The following RAB5A variants were observed in gnomAD, a reference collection of about 807,000 sequenced individuals.
RAB5A encodes the protein ras-related protein Rab-5A.
In RAB5A, 8 loss-of-function variants were observed where a neutral mutation model predicts 25.7. The ratio of observed to expected loss-of-function variants is 0.31; its 90% CI spans 0.18 to 0.56. The LOEUF (loss-of-function observed/expected upper bound fraction) is 0.56, where lower values mean the gene tolerates loss of function less well. RAB5A is among the 20% of genes least tolerant of loss of function. RAB5A has a pLI of 0.91. For missense variants in RAB5A, 192 were observed against 259.7 expected (o/e 0.74, Z 1.79); for synonymous variants, 98 against 89.8 (o/e 1.09, Z -0.52).
chr3:19,973,055 A>G (rs143841986), intron 2 of RAB5A, among the ~76,000 whole-genome samples: 3 of 152,356 alleles, frequency 2.0e-5, no homozygotes, highest in African/African-American at 7.2e-5. Flanking sequence ...AGGTGCAGGC[A>G]TTGTATTAGA....
intron 5 of RAB5A, among the ~76,000 whole-genome samples, chr3:19,982,399 T>A (rs1333143442): frequency 6.6e-6 from 1 of 152,200 alleles, no homozygotes; most frequent in Non-Finnish European, 1.5e-5. Flanking sequence ...GTATGCTAAG[T>A]TTTGACACAT....
chr3:19,976,423 C>CAG (rs1290089938), intron 4 of RAB5A, among the ~76,000 whole-genome samples: 1 of 152,180 alleles, frequency 6.6e-6, no homozygotes, highest in African/African-American at 2.4e-5. Context: ...CAGTGGCTCA[C>CAG]GCCTGTAATC....
intron 2 of RAB5A, among the ~76,000 whole-genome samples, chr3:19,959,745 G>C (rs1231850350): frequency 2.0e-5 from 3 of 150,798 alleles, no homozygotes; most frequent in Non-Finnish European, 4.4e-5. Context: ...TCTCACCTCA[G>C]CCTCCCAAGT....
chr3:19,976,577 T>G (rs1696827888), intron 4 of RAB5A, among the ~76,000 whole-genome samples: 1 of 152,038 alleles, frequency 6.6e-6, no homozygotes, highest in South Asian at 2.1e-4. Flanking sequence ...CCCAGCTACT[T>G]GGGAGGCTGA....
chr3:19,966,441 T>C (rs1696663585), intron 2 of RAB5A, among the ~76,000 whole-genome samples: 1 of 152,238 alleles, frequency 6.6e-6, no homozygotes, highest in Non-Finnish European at 1.5e-5. Context: ...TTGTCCATCA[T>C]TGGACACTTA....
Position 19,983,654 on chromosome 3 carries a change from C to G in RAB5A, c.533-54C>G, listed in dbSNP as rs1039354726. On this transcript the variant is annotated intron_variant, in intron 5 of 5. Coordinates refer to ENST00000273047, the MANE Select transcript of RAB5A (RefSeq NM_004162.5). ...AAAAATTATAGATAAGCAGGTGAAA[C>G]TGATATTAATATGAGTATTCAAATA... 23 of 1,184,504 alleles carry G rather than the reference C, an allele frequency of 1.9e-5. No individual in the cohort carries two copies. In the Admixed American group the frequency reaches 4.1e-4, roughly 21 times the overall value. 73.4% of individuals were successfully genotyped at this position (1,184,504 alleles called of 1,614,324 possible).
At chr3:19,965,884 C>A (rs1696654584) in intron 2 of RAB5A, among the ~76,000 whole-genome samples, 1 of 152,000 alleles carries the variant, frequency 6.6e-6, no homozygotes, top group Non-Finnish European at 1.5e-5. Flanking sequence ...AGGTGCACGC[C>A]ACCACACCTG....
chr3:19,951,713 T>C (rs925136204), intron 2 of RAB5A, among the ~76,000 whole-genome samples: 2 of 146,666 alleles, frequency 1.4e-5, no homozygotes, highest in Non-Finnish European at 1.5e-5. Context: ...TTTTTTTTTT[T>C]TTTTTTAAGA....
chr3:19,964,457 AC>A (rs1696632869), intron 2 of RAB5A, among the ~76,000 whole-genome samples: 1 of 152,088 alleles, frequency 6.6e-6, no homozygotes, highest in African/African-American at 2.4e-5. Context: ...CGTTCCTGTT[AC>A]GTAAATCTAA....
chr3:19,984,580 T>C lies in RAB5A; in HGVS notation c.*757T>C, dbSNP rs1230494142. On this transcript the variant is annotated 3_prime_UTR_variant, in exon 6 of 6. Transcript: ENST00000273047. ...TCTGTGATTTCTAATTAATCACCGCTGGCCATTACACAGGTTTTGTTGTTT... is the reference window on the plus strand; with the variant it reads ...TCTGTGATTTCTAATTAATCACCGCCGGCCATTACACAGGTTTTGTTGTTT... 1 of 174,020 alleles carries C rather than the reference T, an allele frequency of 5.7e-6. No homozygotes were observed. Among genetic ancestry groups the C allele is most frequent in the Non-Finnish European group, 1.2e-5 (1 of 82,264 alleles). 10.8% of individuals were successfully genotyped at this position (174,020 alleles called of 1,614,324 possible).
chr3:19,968,934 TGC>T (rs1314750260), intron 2 of RAB5A, among the ~76,000 whole-genome samples: 1 of 152,204 alleles, frequency 6.6e-6, no homozygotes, highest in African/African-American at 2.4e-5. Context: ...AGCATTTTCT[TGC>T]CTTTGCTACA....
intron 2 of RAB5A, among the ~76,000 whole-genome samples, chr3:19,973,164 T>G (rs1245198611): frequency 6.6e-6 from 1 of 152,192 alleles, no homozygotes; most frequent in Admixed American, 6.5e-5. Context: ...TTGAGCATCC[T>G]CAGATTTTGT....
chr3:19,969,011 A>G (rs980248560), intron 2 of RAB5A, among the ~76,000 whole-genome samples: 2 of 139,104 alleles, frequency 1.4e-5, no homozygotes, highest in African/African-American at 5.2e-5. Context: ...TTTTTTGCAA[A>G]TTGGTGTTTT....
At chr3:19,968,962 T>C (rs1332071371) in intron 2 of RAB5A, among the ~76,000 whole-genome samples, 2 of 152,138 alleles carry the variant, frequency 1.3e-5, no homozygotes, top group Non-Finnish European at 2.9e-5. Flanking sequence ...CCAAAATCCT[T>C]TCCAACGGAG....
chr3:19,979,359 C>T (rs2125132103), intron 5 of RAB5A, among the ~76,000 whole-genome samples: 1 of 151,252 alleles, frequency 6.6e-6, no homozygotes, highest in South Asian at 2.1e-4. Context: ...TCTCGGCTCA[C>T]TGCAAGCTCC....
intron 2 of RAB5A, among the ~76,000 whole-genome samples, chr3:19,967,225 A>G (rs189463591): frequency 2.0e-4 from 30 of 151,354 alleles, no homozygotes; most frequent in African/African-American, 6.1e-4. Context: ...GCTTGCTGCA[A>G]CCTCCATCTC....
intron 4 of RAB5A, among the ~76,000 whole-genome samples, chr3:19,977,983 G>C (rs1696852368): frequency 6.6e-6 from 1 of 152,166 alleles, no homozygotes; most frequent in Non-Finnish European, 1.5e-5. Flanking sequence ...TTGCCGTTGA[G>C]ATCAAAGAGA....
chr3:19,981,440 C>T (rs1575079140), intron 5 of RAB5A, among the ~76,000 whole-genome samples: 1 of 151,932 alleles, frequency 6.6e-6, no homozygotes, highest in African/African-American at 2.4e-5. Context: ...ATGTCGAAAC[C>T]CCGTCTCTAC....
At chr3:19,956,609 GA>G (rs1224244652) in intron 2 of RAB5A, among the ~76,000 whole-genome samples, 3 of 152,038 alleles carry the variant, frequency 2.0e-5, no homozygotes, top group African/African-American at 4.8e-5. Context: ...TTAAAATGAA[GA>G]AAAACAAGGC....
Sources: allele counts gnomAD v4.1 joint callset (sites outside exome capture counted in the v4.1 genomes callset), GRCh38; gene constraint gnomAD v4.1.1; transcripts MANE v1.5; gene names NCBI Gene and HGNC (gene_info 2026-07-23, HGNC 2026-07-21).